The following PTGR1 variants were observed in gnomAD, a reference collection of about 807,000 sequenced individuals.
PTGR1 encodes prostaglandin reductase 1, also known as 15-oxoprostaglandin 13-reductase.
In PTGR1, 23 loss-of-function variants were observed where a neutral mutation model predicts 37.7. That is an observed-to-expected ratio of 0.61 (90% CI 0.44 to 0.86). The LOEUF is 0.86. Ranked by LOEUF, PTGR1 falls within the 40% of genes least tolerant of loss-of-function variation. The pLI, the probability that PTGR1 is intolerant of heterozygous loss-of-function variation, is 0.00. For missense variants in PTGR1, 351 were observed against 394.3 expected, an observed-to-expected ratio of 0.89 and a Z score of 0.93; for synonymous variants, 134 against 140.0, an observed-to-expected ratio of 0.96 and a Z score of 0.30.
chr9:111,558,459 CT>C (rs1208841244), downstream of PTGR1, among the ~76,000 whole-genome samples: 12 of 152,114 alleles, frequency 7.9e-5, no homozygotes, highest in Non-Finnish European at 2.9e-5. Flanking sequence ...AAGAGGATCT[CT>C]TTAGCCTGGG....
intron 9 of PTGR1, among the ~76,000 whole-genome samples, chr9:111,553,080 A>T (rs563730510): frequency 6.6e-6 from 1 of 152,234 alleles, no homozygotes; most frequent in Non-Finnish European, 1.5e-5. Context: ...CGCAGTTCAT[A>T]TGAGTAATTT....
chr9:111,549,843 G>C, intron 9 of PTGR1: 1 of 1,269,762 alleles, frequency 7.9e-7, no homozygotes, highest in Non-Finnish European at 1.1e-6. Flanking sequence ...GCATCTTTAA[G>C]GCAGTTGCTT....
chr9:111,571,135 C>T (rs552180024), intron 8 of PTGR1, among the ~76,000 whole-genome samples: 2 of 149,764 alleles, frequency 1.3e-5, no homozygotes, highest in South Asian at 2.2e-4. Flanking sequence ...TGTGTGGGGT[C>T]GGGTGCGTGG....
chr9:111,585,640 A>G (rs545217530), intron 5 of PTGR1, among the ~76,000 whole-genome samples: 1 of 152,278 alleles, frequency 6.6e-6, no homozygotes, highest in South Asian at 2.1e-4. Context: ...CTCTAATTCT[A>G]TGAGTTCAAC....
intron 9 of PTGR1, among the ~76,000 whole-genome samples, chr9:111,553,839 T>C (rs1828042248): frequency 6.6e-6 from 1 of 152,256 alleles, no homozygotes; most frequent in African/African-American, 2.4e-5. Flanking sequence ...TACGCAATCC[T>C]AGCCACAGAG....
downstream of PTGR1, among the ~76,000 whole-genome samples, chr9:111,560,505 G>A (rs1428349825): frequency 2.0e-5 from 3 of 150,256 alleles, no homozygotes; most frequent in African/African-American, 7.3e-5. Context: ...GCCGGGCATG[G>A]TGGCAGGCGC....
chr9:111,578,483 T>C (rs1449321112), intron 7 of PTGR1, among the ~76,000 whole-genome samples: 6 of 152,180 alleles, frequency 3.9e-5, no homozygotes, highest in African/African-American at 1.2e-4. Context: ...ACCTGAGTAG[T>C]GCGATCTCCA....
intron 4 of PTGR1, among the ~76,000 whole-genome samples, chr9:111,588,836 T>C (rs962229821): frequency 1.4e-3 from 210 of 152,248 alleles, no homozygotes; most frequent in African/African-American, 4.9e-3. Flanking sequence ...TTTTTTGTAT[T>C]TTTTTGTAGA....
At chr9:111,566,071 C>T (rs1036119062) in intron 9 of PTGR1, among the ~76,000 whole-genome samples, 3 of 151,924 alleles carry the variant, frequency 2.0e-5, no homozygotes, top group African/African-American at 2.4e-5. Context: ...AGAATGGTGG[C>T]GGGCACCTGT....
At chr9:111,553,546 GA>G (rs541993481) in intron 9 of PTGR1, among the ~76,000 whole-genome samples, 10 of 150,990 alleles carry the variant, frequency 6.6e-5, no homozygotes, top group East Asian at 1.9e-4. Context: ...TCCGTGCATA[GA>G]AAAAAAAATC....
chr9:111,557,230 C>T lies in PTGR1; in HGVS notation c.880-7431G>A, dbSNP rs573053828. On this transcript the variant is annotated intron_variant, in intron 9 of 9. Transcript: ENST00000538962. ...CTCTACTAAAAATCCAAAAATTAGC[C>T]GGGCATCATGGCATGCACCTGTAAT... Among the ~76,000 whole-genome samples the T allele has an allele frequency of 1.4e-4, 21 of 151,934 alleles. No individual in the cohort carries two copies. The East Asian group carries it at 2.6e-3, about 19-fold the overall frequency.
chr9:111,595,440 T>C (rs1187271765), intron 2 of PTGR1, among the ~76,000 whole-genome samples: 1 of 152,178 alleles, frequency 6.6e-6, no homozygotes, highest in African/African-American at 2.4e-5. Flanking sequence ...TATGGCTTCA[T>C]CGCCAGCCCC....
intron 2 of PTGR1, 32 bp from the exon 3 acceptor site, chr9:111,594,299 A>C (rs773169823): frequency 1.3e-6 from 2 of 1,594,576 alleles, no homozygotes; most frequent in South Asian, 2.2e-5. Context: ...AGGCAATTAG[A>C]AACTCAAGGC....
Position 111,562,972 on chromosome 9 carries a change from T to C in PTGR1, c.*149A>G. On this transcript the variant is annotated 3_prime_UTR_variant, in exon 10 of 10. Coordinates refer to ENST00000407693, the MANE Select transcript of PTGR1 (RefSeq NM_001146108.2). ...CTTCCATCCTCCATCACTAATTACA[T>C]ACCACTTAAATGTATTTTATTAAGT... 1 of 1,412,352 alleles carries C rather than the reference T, an allele frequency of 7.1e-7. No homozygotes were observed. Among genetic ancestry groups the C allele is most frequent in the Non-Finnish European group, 9.2e-7 (1 of 1,086,248 alleles). 87.5% of individuals were successfully genotyped at this position (1,412,352 alleles called of 1,614,324 possible).
chr9:111,566,094 T>C (rs1338043366), intron 9 of PTGR1, among the ~76,000 whole-genome samples: 1 of 151,974 alleles, frequency 6.6e-6, no homozygotes, highest in Non-Finnish European at 1.5e-5. Flanking sequence ...TCCCAGCTAC[T>C]TGGGAGGCTG....
At position 111,578,779 on chromosome 9, in the gene PTGR1, G is replaced by A; in HGVS notation, c.651+17C>T. ...ACTTCCATAATAAATTAGATATTAA[G>A]TCCAGTTTGTACTTACATTATCAAA... On this transcript the variant is annotated intron_variant, in intron 7 of 9. Coordinates refer to ENST00000407693, the MANE Select transcript of PTGR1 (RefSeq NM_001146108.2). 1.3e-6 allele frequency: 2 copies of A among 1,588,796 alleles called. No homozygotes were observed. The highest frequency in any genetic ancestry group is 1.7e-6 in the Non-Finnish European group (2 of 1,167,322).
rs752004554 is a variant in PTGR1 at position 111,597,439 on chromosome 9, C to A, written c.-10-7G>T. On this transcript the variant is annotated splice_region_variant and splice_polypyrimidine_tract_variant and intron_variant, in intron 1 of 9. Coordinates refer to ENST00000407693, the MANE Select transcript of PTGR1 (RefSeq NM_001146108.2). ...ACGAACCATCCTGAAGCTCCTAGAA[C>A]ACAGTAAATATGTAGTCAACTGCCA... The A allele has an allele frequency of 6.4e-7, 1 of 1,567,128 alleles. No individual in the cohort carries two copies. Among genetic ancestry groups the A allele is most frequent in the South Asian group, 1.1e-5 (1 of 88,804 alleles).
At chr9:111,559,253 C>T (rs115433209), downstream of PTGR1, among the ~76,000 whole-genome samples, 2 of 152,126 alleles carry the variant, frequency 1.3e-5, no homozygotes, top group East Asian at 1.9e-4. Flanking sequence ...CACCCCTTCA[C>T]GTGCACACCT....
intron 9 of PTGR1, among the ~76,000 whole-genome samples, chr9:111,555,235 C>T (rs534094579): frequency 1.8e-4 from 27 of 152,286 alleles, no homozygotes; most frequent in Non-Finnish European, 2.6e-4. Flanking sequence ...TAATGCCTCT[C>T]ATTTCCTGTG....
Sources: gnomAD v4.1 joint callset for allele counts (sites outside exome capture counted in the v4.1 genomes callset) on GRCh38, gnomAD v4.1.1 for gene constraint, MANE v1.5 for transcripts, NCBI Gene and HGNC (gene_info 2026-07-23, HGNC 2026-07-21) for gene names.